Variants in NAV2 observed in about 807,000 individuals in gnomAD.
The protein encoded by NAV2 is neuron navigator 2.
A neutral mutation model predicts 223.2 loss-of-function variants in NAV2; 54 were observed. The observed-to-expected ratio is 0.24, with a 90% CI of 0.19 to 0.30. The LOEUF is 0.30. Ranked by LOEUF, NAV2 falls within the 10% of genes least tolerant of loss-of-function variation. The pLI is 1.00. For synonymous variants in NAV2, 1,279 were observed against 1,239.3 expected, an observed-to-expected ratio of 1.03 and a Z score of -0.67; for missense variants, 2,806 against 3,147.5, an observed-to-expected ratio of 0.89 and a Z score of 2.60.
intron 6 of NAV2, among the ~76,000 whole-genome samples, chr11:19,923,938 C>T (rs1413871992): frequency 6.6e-6 from 1 of 152,108 alleles, no homozygotes; most frequent in Non-Finnish European, 1.5e-5. Flanking sequence ...GCTTCAAGAA[C>T]TGAAAGATAA....
At chr11:19,394,695 G>C (rs1414484591) in intron 1 of NAV2, among the ~76,000 whole-genome samples, 1 of 152,234 alleles carries the variant, frequency 6.6e-6, no homozygotes, top group African/African-American at 2.4e-5. Flanking sequence ...TGCAGGCAGA[G>C]TGAAGTTGAT....
chr11:19,939,811 A>G, intron 8 of NAV2, 38 bp downstream of exon 8: 1 of 1,504,684 alleles, frequency 6.6e-7, no homozygotes, highest in African/African-American at 1.4e-5. Flanking sequence ...TCTGTTGGTG[A>G]TGAGGCCTTC....
At chr11:20,036,226 T>A (rs886137315) in intron 12 of NAV2, 129 bp downstream of exon 12, 3 of 1,047,274 alleles carry the variant, frequency 2.9e-6, no homozygotes, top group African/African-American at 3.2e-5. Context: ...CCCAGCCTCC[T>A]GCCGCCTCTG....
chr11:20,011,699 A>G (rs1447674944), intron 11 of NAV2, among the ~76,000 whole-genome samples: 1 of 152,196 alleles, frequency 6.6e-6, no homozygotes, highest in Non-Finnish European at 1.5e-5. Context: ...AAAATGAGAG[A>G]TGTTTTATAA....
At chr11:19,512,808 C>T (rs2043320813) in intron 1 of NAV2, among the ~76,000 whole-genome samples, 1 of 152,150 alleles carries the variant, frequency 6.6e-6, no homozygotes, top group Non-Finnish European at 1.5e-5. Flanking sequence ...GGCATGCCAC[C>T]AGACTATGCA....
At chr11:19,560,545 T>C (rs1167125651) in intron 1 of NAV2, among the ~76,000 whole-genome samples, 3 of 152,244 alleles carry the variant, frequency 2.0e-5, no homozygotes, top group Non-Finnish European at 4.4e-5. Context: ...ATGTGGAGTA[T>C]GCCTTCAACA....
chr11:19,864,505 A>G (rs1415608856), intron 3 of NAV2, among the ~76,000 whole-genome samples: 1 of 152,184 alleles, frequency 6.6e-6, no homozygotes, highest in Non-Finnish European at 1.5e-5. Flanking sequence ...ATTGAAATGC[A>G]AAGTTTTCCA....
At chr11:19,916,979 T>A (rs752438421) in intron 6 of NAV2, among the ~76,000 whole-genome samples, 3 of 152,194 alleles carry the variant, frequency 2.0e-5, no homozygotes, top group Non-Finnish European at 2.9e-5. Flanking sequence ...GTTATGGAAC[T>A]GGGGGTACTT....
chr11:19,419,590 T>C (rs1850526983), intron 1 of NAV2, among the ~76,000 whole-genome samples: 1 of 152,192 alleles, frequency 6.6e-6, no homozygotes, highest in Non-Finnish European at 1.5e-5. Flanking sequence ...GAAATGCATA[T>C]TCCAAATTCT....
chr11:19,826,671 G>A (rs1281332012), intron 1 of NAV2, among the ~76,000 whole-genome samples: 2 of 152,160 alleles, frequency 1.3e-5, no homozygotes, highest in Non-Finnish European at 2.9e-5. Context: ...GGGAGGGAAG[G>A]GAGAGGAAAC....
intron 3 of NAV2, among the ~76,000 whole-genome samples, chr11:19,868,312 C>T (rs1590972573): frequency 2.0e-5 from 3 of 152,318 alleles, no homozygotes; most frequent in African/African-American, 4.8e-5. Flanking sequence ...TTTGGGAAGG[C>T]TGGACACTGG....
chr11:19,545,311 T>A (rs567297473), intron 1 of NAV2, among the ~76,000 whole-genome samples: 1 of 152,334 alleles, frequency 6.6e-6, no homozygotes, highest in African/African-American at 2.4e-5. Context: ...GCCAACTGAA[T>A]TATTCATGAC....
intron 1 of NAV2, among the ~76,000 whole-genome samples, chr11:19,542,949 T>C (rs11025176): frequency 0.21 from 32,064 of 152,146 alleles, 5,606 homozygotes; most frequent in African/African-American, 0.48. Flanking sequence ...TGATCAGGGA[T>C]GAAGCCCGTT....
At chr11:19,699,676 A>T (rs371741010) in intron 1 of NAV2, among the ~76,000 whole-genome samples, 34 of 152,162 alleles carry the variant, frequency 2.2e-4, no homozygotes, top group African/African-American at 8.0e-4. Context: ...TGAATAGACG[A>T]CTTTGAGATA....
At chr11:19,521,462 T>A (rs1368071165) in intron 1 of NAV2, among the ~76,000 whole-genome samples, 1 of 152,116 alleles carries the variant, frequency 6.6e-6, no homozygotes, top group Non-Finnish European at 1.5e-5. Context: ...TTGGGTAAGA[T>A]GAAATTAGAT....
rs1201940130 is a variant in NAV2, at chr11:20,106,175, A to ATGTGTGTGTG, written c.6841+457_6841+458insGTGTGTGTGT. ...TGTGTGTATATATATATATATATAT[A>ATGTGTGTGTG]TGTGTGTGTATATATATATATATAT... On this transcript the variant is annotated intron_variant, in intron 35 of 37. Transcript: ENST00000349880. Among the ~76,000 whole-genome samples the ATGTGTGTGTG allele has an allele frequency of 2.3e-3, 82 of 35,824 alleles. 11 individuals carry two copies. Among genetic ancestry groups the ATGTGTGTGTG allele is most frequent in the Non-Finnish European group, 3.5e-3 (66 of 18,984 alleles). 23.5% of individuals were successfully genotyped at this position (35,824 alleles called of 152,430 possible). A position where few individuals can be genotyped will look rare whatever the true frequency, so the allele number is the denominator to read the frequency against.
At chr11:19,462,644 A>G (rs530585574) in intron 1 of NAV2, among the ~76,000 whole-genome samples, 2 of 152,374 alleles carry the variant, frequency 1.3e-5, no homozygotes, top group Admixed American at 1.3e-4. Context: ...GCCAAAGCTC[A>G]TAATATTTGG....
intron 7 of NAV2, among the ~76,000 whole-genome samples, chr11:19,938,892 C>A (rs1057207803): frequency 6.6e-6 from 1 of 152,188 alleles, no homozygotes; most frequent in Admixed American, 6.5e-5. Context: ...GTAGTGAAAT[C>A]GGTTGAATTA....
chr11:20,010,093 A>G (rs2053441836), intron 11 of NAV2, among the ~76,000 whole-genome samples: 1 of 152,228 alleles, frequency 6.6e-6, no homozygotes, highest in Non-Finnish European at 1.5e-5. Context: ...TCAGACAGGT[A>G]GACTAGCTCC....
Sources: gnomAD v4.1 joint callset for allele counts (sites outside exome capture counted in the v4.1 genomes callset) on GRCh38, gnomAD v4.1.1 for gene constraint, MANE v1.5 for transcripts, NCBI Gene and HGNC (gene_info 2026-07-23, HGNC 2026-07-21) for gene names.